The following GUSB variants were observed in gnomAD, a reference collection of about 807,000 sequenced individuals.
GUSB encodes the protein beta-glucuronidase.
A neutral mutation model predicts 74.6 loss-of-function variants in GUSB; 51 were observed. The observed-to-expected ratio is 0.68, with a 90% confidence interval of 0.55 to 0.86. The LOEUF (loss-of-function observed/expected upper bound fraction) is 0.86, where lower values mean the gene tolerates loss of function less well. Ranked by LOEUF, GUSB falls within the 40% of genes least tolerant of loss-of-function variation. The pLI, the probability that GUSB is intolerant of heterozygous loss-of-function variation, is 0.00. For missense variants in GUSB, 736 were observed against 853.7 expected (o/e 0.86, Z 1.72); for synonymous variants, 360 against 348.3 (o/e 1.03, Z -0.37).
chr7:65,976,183 G>C lies in GUSB; in HGVS notation c.744C>G (p.Ile248Met). The C allele has an allele frequency of 1.9e-6, 3 of 1,612,632 alleles. No individual in the cohort carries two copies. Among genetic ancestry groups the C allele is most frequent in the Non-Finnish European group, 2.5e-6 (3 of 1,179,426 alleles). ...EQDSGLVNYQISVKGSNLFKL... is the reference protein window; with the variant it reads ...EQDSGLVNYQMSVKGSNLFKL... ...TGAACAGGTTACTGCCCTTGACAGA[G>C]ATCTGGTAATTCACCAGCCCTGCAA... Residue 248 changes from isoleucine (I) to methionine (M), a missense_variant, in exon 5 of 12, where the codon ATC becomes ATG. Ile to Met is a conservative substitution (Grantham distance 10). Around this residue, in one of 2 missense-constraint regions of GUSB, gnomAD observed 368 missense variants for 363.8 expected, o/e 1.01. Transcript: ENST00000304895.
intron 9 of GUSB, among the ~76,000 whole-genome samples, chr7:65,968,591 T>C (rs533154689): frequency 6.6e-6 from 1 of 152,164 alleles, no homozygotes; most frequent in South Asian, 2.1e-4. Flanking sequence ...AGAAAATCTT[T>C]TGTTTTGTTT....
At chr7:65,972,849 T>C (rs1791304631) in intron 8 of GUSB, among the ~76,000 whole-genome samples, 1 of 152,156 alleles carries the variant, frequency 6.6e-6, no homozygotes, top group Non-Finnish European at 1.5e-5. Context: ...AAGCTCTGAA[T>C]TGTCCTTGGC....
At chr7:65,974,808 G>A (rs1339156157) in intron 6 of GUSB, 104 bp from the exon 7 acceptor site, 2 of 1,551,902 alleles carry the variant, frequency 1.3e-6, no homozygotes, top group Non-Finnish European at 1.8e-6. Flanking sequence ...TCTCCATTTG[G>A]AGCCATTTGC....
intron 4 of GUSB, among the ~76,000 whole-genome samples, chr7:65,978,806 C>G (rs1791779023): frequency 6.6e-6 from 1 of 152,072 alleles, no homozygotes; most frequent in African/African-American, 2.4e-5. Context: ...AAGACAGGGT[C>G]TGCGTCTGTT....
chr7:65,967,977 G>A lies in GUSB; in HGVS notation c.1477-70C>T, dbSNP rs552187538. 15 of 1,282,356 alleles carry A rather than the reference G, an allele frequency of 1.2e-5. No homozygotes were observed. The African/African-American group carries it at 2.0e-4, about 17-fold the overall frequency. The allele number at this position is 1,282,356 out of a possible 1,614,324, so 79.4% of individuals were successfully genotyped here. A position where few individuals can be genotyped will look rare whatever the true frequency, so the allele number is the denominator to read the frequency against. On this transcript the variant is annotated intron_variant, in intron 9 of 11. Coordinates refer to ENST00000304895, the MANE Select transcript of GUSB (RefSeq NM_000181.4). ...ATGACTCAGCATTCACACACTGCGG[G>A]GGCTCCTCTGGCAGAGAAGGTAAGG...
chr7:65,962,797 G>C (rs1393447205), intron 11 of GUSB, among the ~76,000 whole-genome samples: 1 of 151,958 alleles, frequency 6.6e-6, no homozygotes, highest in African/African-American at 2.4e-5. Context: ...GCTTGAACCT[G>C]GGAGGTGGAG....
At chr7:65,963,571 A>G (rs879791195) in intron 11 of GUSB, among the ~76,000 whole-genome samples, 3 of 74,668 alleles carry the variant, frequency 4.0e-5, no homozygotes, top group Non-Finnish European at 1.2e-4. Flanking sequence ...TTTAAAGACA[A>G]GTCTCACTCT....
At chr7:65,976,571 C>T (rs892337651) in intron 4 of GUSB, among the ~76,000 whole-genome samples, 3 of 151,846 alleles carry the variant, frequency 2.0e-5, no homozygotes, top group Admixed American at 6.6e-5. Context: ...GTGATCCACC[C>T]GCCTTGGCCT....
At position 65,974,531 on chromosome 7, in the gene GUSB, C is replaced by G. The variant is rs767396235; in HGVS notation, c.1239G>C (p.Ala413=). The G allele has an allele frequency of 2.5e-6, 4 of 1,614,008 alleles. No individual in the cohort carries two copies. The highest frequency in any genetic ancestry group is 1.7e-5 in the Admixed American group (1 of 60,012). The part of the protein sequence containing the change: ...VIDECPGVGL[A]LPQFFNNVSL... ...GGTGCACAGCAGAGACTCACGGCAG[C>G]GCCAGGCCCACGCCGGGACACTCAT... The change falls in exon 7 of 12, where the codon GCG becomes GCC. Residue 413 remains alanine (A), a synonymous_variant. Coordinates refer to ENST00000304895, the MANE Select transcript of GUSB (RefSeq NM_000181.4).
Position 65,974,914 on chromosome 7 carries a change from C to A in GUSB, c.1065+5G>T. 1 of 1,613,520 alleles carries A rather than the reference C, an allele frequency of 6.2e-7. No homozygotes were observed. The highest frequency in any genetic ancestry group is 8.5e-7 in the Non-Finnish European group (1 of 1,179,756). Reference sequence around the variant, plus strand: ...CCCGACAAGGACCCAGGAGCCCCAACACACGTCCGCATCCTCATGCTTGTT... The same window carrying A: ...CCCGACAAGGACCCAGGAGCCCCAAAACACGTCCGCATCCTCATGCTTGTT... On this transcript the variant is annotated splice_donor_5th_base_variant and intron_variant, in intron 6 of 11. Transcript: ENST00000304895.
intron 4 of GUSB, among the ~76,000 whole-genome samples, chr7:65,978,932 C>T (rs1050939921): frequency 2.4e-4 from 37 of 152,090 alleles, no homozygotes; most frequent in African/African-American, 8.4e-4. Flanking sequence ...CCATCCCTGG[C>T]TAATTTTTTA....
chr7:65,976,213 CAAGA>C lies in GUSB; in HGVS notation c.725-15_725-12del. 6.2e-7 allele frequency: 1 copy of C among 1,604,018 alleles called. No individual in the cohort carries two copies. The highest frequency in any genetic ancestry group is 8.5e-7 in the Non-Finnish European group (1 of 1,173,734). The stretch of plus-strand genomic sequence containing the variant: ...GGTAATTCACCAGCCCTGCAAGAAA[CAAGA>C]GAGACCAGGGCTGAGGGAGGGACAC... On this transcript the variant is annotated splice_polypyrimidine_tract_variant and intron_variant, in intron 4 of 11. Coordinates refer to ENST00000304895, the MANE Select transcript of GUSB (RefSeq NM_000181.4).
At chr7:65,974,186 C>T in intron 8 of GUSB, 109 bp downstream of exon 8, 1 of 1,011,306 alleles carries the variant, frequency 9.9e-7, no homozygotes, top group Non-Finnish European at 1.5e-6. Context: ...GACGGCCTTC[C>T]CATTGGGCTG....
intron 11 of GUSB, among the ~76,000 whole-genome samples, chr7:65,962,887 C>G (rs1349615668): frequency 6.6e-6 from 1 of 152,028 alleles, no homozygotes; most frequent in South Asian, 2.1e-4. Context: ...AAAAAAGAGT[C>G]TCACTCTATT....
chr7:65,974,486 C>CG, intron 7 of GUSB, 40 bp downstream of exon 7: 3 of 1,614,034 alleles, frequency 1.9e-6, no homozygotes, highest in Non-Finnish European at 2.5e-6. Context: ...GTGACGCCCC[C>CG]GGGCTGGGCA....
intron 11 of GUSB, 149 bp from the exon 12 acceptor site, chr7:65,961,212 AATC>A (rs781380922): frequency 1.3e-4 from 103 of 769,538 alleles, no homozygotes; most frequent in Non-Finnish European, 2.0e-4. Flanking sequence ...GCGGTGACAC[AATC>A]ATAGCTCACT....
Position 65,970,332 on chromosome 7 carries a change from A to AG in GUSB, c.1425dup (p.Ser476LeufsTer11). On this transcript the variant is annotated frameshift_variant, in exon 9 of 12. Transcript: ENST00000304895. LOFTEE classifies it high-confidence loss of function. ...TTGCTCACAAAGGTCACAGGCCGGG[A>AG]GGGGTCCAAGGATTTGGTGTGAGCG... 2 of 1,613,284 alleles carry AG rather than the reference A, an allele frequency of 1.2e-6. No individual in the cohort carries two copies.
rs190073238 is a variant in GUSB, at chr7:65,966,911, A to G, written c.1653+820T>C. ...AGCCTGGACAACATAGCAAGACCCT[A>G]TATCTAAAATATGAAAATTAAGAAA... On this transcript the variant is annotated intron_variant, in intron 10 of 11. Transcript: ENST00000304895. Among the ~76,000 whole-genome samples the G allele has an allele frequency of 2.2e-4, 34 of 152,304 alleles. No homozygotes were observed. The East Asian group carries it at 3.1e-3, about 14-fold the overall frequency.
At chr7:65,963,935 C>T (rs1280088102) in intron 11 of GUSB, among the ~76,000 whole-genome samples, 1 of 152,212 alleles carries the variant, frequency 6.6e-6, no homozygotes, top group Non-Finnish European at 1.5e-5. Context: ...ATACAACAGA[C>T]TGAAATACCT....
Sources: gnomAD v4.1 joint callset for allele counts (sites outside exome capture counted in the v4.1 genomes callset) on GRCh38, gnomAD v4.1.1 for gene constraint, gnomAD v4.1.1 regional missense constraint, MANE v1.5 for transcripts, NCBI Gene and HGNC (gene_info 2026-07-23, HGNC 2026-07-21) for gene names.